The following PLCE1 variants were observed in gnomAD, a reference collection of about 807,000 sequenced individuals.
PLCE1 encodes the protein phospholipase C epsilon 1, also known as 1-phosphatidylinositol 4,5-bisphosphate phosphodiesterase epsilon-1.
In PLCE1, 119 loss-of-function variants were observed where a neutral mutation model predicts 242.8. The ratio of observed to expected loss-of-function variants is 0.49; its 90% CI spans 0.42 to 0.57. The LOEUF (loss-of-function observed/expected upper bound fraction) is 0.57. Ranked by LOEUF, PLCE1 falls within the 20% of genes least tolerant of loss-of-function variation. The pLI is 0.00. For synonymous variants in PLCE1, 945 were observed against 1,017.4 expected (o/e 0.93, Z 1.35); for missense variants, 2,441 against 2,788.8 (o/e 0.88, Z 2.81).
In PLCE1 at chr10:94,324,521, G is replaced by A; in HGVS notation, c.6674G>A (p.Trp2225Ter). The change falls in exon 31 of 33, where the codon TGG becomes TAG. Residue 2225 changes from tryptophan to a stop codon, truncating the protein, a stop_gained. Coordinates refer to ENST00000371380, the MANE Select transcript of PLCE1 (RefSeq NM_016341.4). LOFTEE classifies it high-confidence loss of function. ...TGTGTGTTTCAAGCCCAAAGCAAGT[G>A]GAAAGGTGCAGGAAAATTCATCCTT... ...QECVFQAQSKWKGAGKFILKL... is the reference protein window; with the variant it reads ...QECVFQAQSK 1 of 1,614,132 alleles carries A rather than the reference G, an allele frequency of 6.2e-7. No individual in the cohort carries two copies. Among genetic ancestry groups the A allele is most frequent in the East Asian group, 2.2e-5 (1 of 44,876 alleles).
At chr10:94,314,986 A>G (rs2053518756) in intron 28 of PLCE1, 1 of 155,420 alleles carries the variant, frequency 6.4e-6, no homozygotes, top group Non-Finnish European at 1.4e-5. Flanking sequence ...AGTTTTGTAA[A>G]GGAAAACTTA....
At chr10:94,220,193 TACACACACACATACAC>T (rs1554886978) in intron 4 of PLCE1, among the ~76,000 whole-genome samples, 10 of 148,866 alleles carry the variant, frequency 6.7e-5, no homozygotes, top group African/African-American at 1.2e-4. Flanking sequence ...CATACATACA[TACACACACACATACAC>T]ACACACACAC....
At chr10:94,294,023 C>T (rs950957179) in intron 23 of PLCE1, among the ~76,000 whole-genome samples, 2 of 152,176 alleles carry the variant, frequency 1.3e-5, no homozygotes, top group Admixed American at 6.5e-5. Context: ...AAGAGAATCG[C>T]TTAAGCCCGG....
intron 2 of PLCE1, among the ~76,000 whole-genome samples, chr10:94,128,950 G>A (rs2046515646): frequency 6.6e-6 from 1 of 152,184 alleles, no homozygotes; most frequent in South Asian, 2.1e-4. Context: ...TCATTATTCA[G>A]GAGATGCTGG....
chr10:94,219,054 A>G (rs1430260535), intron 4 of PLCE1, among the ~76,000 whole-genome samples: 1 of 150,662 alleles, frequency 6.6e-6, no homozygotes, highest in Non-Finnish European at 1.5e-5. Flanking sequence ...TATTATATCA[A>G]TAATACCACT....
intron 4 of PLCE1, among the ~76,000 whole-genome samples, chr10:94,198,771 G>A (rs909601689): frequency 7.9e-5 from 12 of 152,120 alleles, no homozygotes; most frequent in African/African-American, 2.9e-4. Context: ...CCTCAGCCAG[G>A]CATGGTGATG....
intron 3 of PLCE1, chr10:94,138,231 G>C: frequency 3.0e-6 from 1 of 328,406 alleles, no homozygotes; most frequent in Non-Finnish European, 6.0e-6. Flanking sequence ...GAATCACCAG[G>C]GGGTGCTGCA....
chr10:94,107,624 T>G (rs2045800320), intron 2 of PLCE1: 1 of 152,186 alleles, frequency 6.6e-6, no homozygotes, highest in Non-Finnish European at 1.5e-5. Flanking sequence ...TAGCTTTTTT[T>G]TTTAAGGTTT....
chr10:94,102,351 T>C (rs994763214), intron 2 of PLCE1, among the ~76,000 whole-genome samples: 11 of 152,358 alleles, frequency 7.2e-5, no homozygotes, highest in African/African-American at 2.6e-4. Flanking sequence ...TAGTCTAAGT[T>C]GTGTTTTCCA....
chr10:94,232,697 A>T (rs908614537), intron 5 of PLCE1, among the ~76,000 whole-genome samples: 2 of 152,160 alleles, frequency 1.3e-5, no homozygotes, highest in African/African-American at 4.8e-5. Context: ...CCTTTCTGCT[A>T]GGGTCGCCTC....
rs144099502 is a variant in PLCE1, at chr10:94,200,431, C to G, written c.1810-26875C>G. Among the ~76,000 whole-genome samples the G allele has an allele frequency of 2.3e-4, 35 of 152,230 alleles. 1 individual carries two copies. The East Asian group carries it at 6.4e-3, about 28-fold the overall frequency. ...CTCCCAACAGCCAAAGCTGGAGCAA[C>G]TTGCAAGACAAAGTAAAGGAAAAAT... is the stretch of plus-strand genomic sequence containing the variant. On this transcript the variant is annotated intron_variant, in intron 4 of 32. Coordinates refer to ENST00000371380, the MANE Select transcript of PLCE1 (RefSeq NM_016341.4).
chr10:94,315,889 A>G (rs956223198), intron 28 of PLCE1, among the ~76,000 whole-genome samples: 1 of 151,964 alleles, frequency 6.6e-6, no homozygotes. Flanking sequence ...TACTATTTCC[A>G]TTGTGTAGAT....
intron 2 of PLCE1, among the ~76,000 whole-genome samples, chr10:94,060,542 G>A (rs1262274761): frequency 4.6e-5 from 7 of 152,122 alleles, no homozygotes; most frequent in Non-Finnish European, 8.8e-5. Flanking sequence ...GAGTACTCGT[G>A]TGGCTTGCCT....
intron 19 of PLCE1, among the ~76,000 whole-genome samples, chr10:94,274,804 T>C (rs2051884087): frequency 6.6e-6 from 1 of 152,122 alleles, no homozygotes; most frequent in African/African-American, 2.4e-5. Flanking sequence ...CTGCTCCAGG[T>C]GACCTTGCTT....
Position 94,254,285 on chromosome 10 carries a change from C to G in PLCE1, c.3375C>G (p.Asp1125Glu). 4 of 1,611,772 alleles carry G rather than the reference C, an allele frequency of 2.5e-6. No individual in the cohort carries two copies. The highest frequency in any genetic ancestry group is 3.4e-6 in the Non-Finnish European group (4 of 1,177,922). ...CRSRSGSDPQ[D>E]INEQEESEVN... The stretch of plus-strand genomic sequence containing the variant: ...GCCGGAGTGGTTCTGATCCTCAAGA[C>G]ATTAATGAACAAGAAGAATCAGGTA... Residue 1125 changes from aspartate (D) to glutamate (E), a missense_variant, in exon 10 of 33, where the codon GAC becomes GAG. Asp to Glu is a conservative substitution (Grantham distance 45). This residue lies in a region of PLCE1 where 1,004 missense variants were observed against 1,322.7 expected (regional missense o/e 0.76). Coordinates refer to ENST00000371380, the MANE Select transcript of PLCE1 (RefSeq NM_016341.4).
chr10:94,244,726 A>C (rs1272617244), intron 7 of PLCE1, among the ~76,000 whole-genome samples: 1 of 151,966 alleles, frequency 6.6e-6, no homozygotes, highest in Non-Finnish European at 1.5e-5. Flanking sequence ...TTTTTGAGAC[A>C]GGGTCTTGCT....
intron 13 of PLCE1, among the ~76,000 whole-genome samples, chr10:94,260,619 TTTA>T (rs1305537104): frequency 2.0e-5 from 3 of 151,584 alleles, no homozygotes; most frequent in South Asian, 2.1e-4. Flanking sequence ...TCTATTATAT[TTTA>T]TTATTTTATT....
chr10:94,001,626 A>G (rs2060932641), intron 1 of PLCE1, among the ~76,000 whole-genome samples: 1 of 152,256 alleles, frequency 6.6e-6, no homozygotes, highest in South Asian at 2.1e-4. Context: ...GACCAAGTAC[A>G]TGCTATACAA....
chr10:94,150,184 T>C (rs1422980531), intron 3 of PLCE1, among the ~76,000 whole-genome samples: 1 of 152,222 alleles, frequency 6.6e-6, no homozygotes, highest in East Asian at 1.9e-4. Context: ...GCCCCGCCGC[T>C]GTGCTGAGTG....
Sources: gnomAD v4.1 joint callset for allele counts (sites outside exome capture counted in the v4.1 genomes callset) on GRCh38, gnomAD v4.1.1 for gene constraint, gnomAD v4.1.1 regional missense constraint, MANE v1.5 for transcripts, NCBI Gene and HGNC (gene_info 2026-07-23, HGNC 2026-07-21) for gene names.